Variants in ZC3H12C observed in about 807,000 individuals in gnomAD.
ZC3H12C encodes probable ribonuclease ZC3H12C.
Under a neutral mutation model 76.3 loss-of-function variants are expected in ZC3H12C, and 20 were observed. That is an observed-to-expected ratio of 0.26 (90% CI 0.18 to 0.38). The LOEUF (loss-of-function observed/expected upper bound fraction) is 0.38, where lower values mean the gene tolerates loss of function less well. Among genes scored for constraint, ZC3H12C ranks in the 10% least tolerant of loss-of-function variants. The pLI is 1.00. For missense variants in ZC3H12C, 874 were observed against 1,086.5 expected, an observed-to-expected ratio of 0.80 and a Z score of 2.75; for synonymous variants, 352 against 399.6, an observed-to-expected ratio of 0.88 and a Z score of 1.42.
rs1411810853 is a variant in ZC3H12C, at chr11:110,117,875, CACAT to C, written c.22-18786_22-18783del. 1.3e-4 allele frequency among the ~76,000 whole-genome samples: 10 copies of C among 74,510 alleles called. 2 individuals carry two copies. The highest frequency in any genetic ancestry group is 2.7e-4 in the Admixed American group (2 of 7,546). The allele number at this position is 74,510 out of a possible 152,430, so 48.9% of individuals were successfully genotyped here. ...CACATATATATAATATATATACACA[CACAT>C]ATATATATTATATATATACACACAC... is the stretch of plus-strand genomic sequence containing the variant. On this transcript the variant is annotated intron_variant, in intron 1 of 5. Coordinates refer to ENST00000278590, the MANE Select transcript of ZC3H12C (RefSeq NM_033390.2).
At chr11:110,118,850 G>A (rs185283654) in intron 1 of ZC3H12C, among the ~76,000 whole-genome samples, 75 of 151,386 alleles carry the variant, frequency 5.0e-4, no homozygotes, top group Admixed American at 3.3e-3. Context: ...TAAGTTCCCC[G>A]TAAAGAAATC....
At chr11:110,104,385 A>C (rs1162825655) in intron 1 of ZC3H12C, among the ~76,000 whole-genome samples, 1 of 152,182 alleles carries the variant, frequency 6.6e-6, no homozygotes, top group Non-Finnish European at 1.5e-5. Context: ...ATATGGATTC[A>C]TGTTAGTGAT....
rs760547466 is a variant in ZC3H12C at position 110,136,717 on chromosome 11, A to AG, written c.77dup (p.Ser26ArgfsTer4). On this transcript the variant is annotated frameshift_variant, in exon 2 of 6. Transcript: ENST00000278590. LOFTEE classifies it high-confidence loss of function. ...CAGAAAAAACAGCAAAGTGGAGTCAAGTACACGTAACAACTTCATGGGCTT... is the reference window on the plus strand; with the variant it reads ...CAGAAAAAACAGCAAAGTGGAGTCAAGGTACACGTAACAACTTCATGGGCTT... The AG allele has an allele frequency of 4.5e-5, 72 of 1,613,984 alleles. 5 individuals carry two copies. The South Asian group carries it at 7.7e-4, about 17-fold the overall frequency.
chr11:110,164,636 T>C lies in ZC3H12C; in HGVS notation c.1551T>C (p.Ser517=). 3 of 1,614,028 alleles carry C rather than the reference T, an allele frequency of 1.9e-6. No individual in the cohort carries two copies. Among genetic ancestry groups the C allele is most frequent in the Non-Finnish European group, 2.5e-6 (3 of 1,179,898 alleles). ...CCAAAAACAAATTGGAAACCAGGTC[T>C]GTACCTTCCTTAGTTAGCATCCCAG... The part of the protein sequence containing the change: ...LPTKNKLETR[S]VPSLVSIPAT... Residue 517 remains serine, a synonymous_variant, in exon 6 of 6, where the codon TCT becomes TCC. Transcript: ENST00000278590. The surrounding 1 kb of genome is among the most constrained non-coding windows in gnomAD (Gnocchi z 5.7).
intron 1 of ZC3H12C, among the ~76,000 whole-genome samples, chr11:110,098,030 G>A (rs972221178): frequency 5.9e-5 from 9 of 152,114 alleles, no homozygotes; most frequent in African/African-American, 2.2e-4. Flanking sequence ...ACAAAAAAAA[G>A]TTAACTGTAA....
chr11:110,150,594 A>G (rs1399254900), intron 2 of ZC3H12C, among the ~76,000 whole-genome samples: 3 of 152,274 alleles, frequency 2.0e-5, no homozygotes, highest in African/African-American at 7.2e-5. Context: ...GACCTAGTAC[A>G]TAGCCAATTT....
intron 2 of ZC3H12C, among the ~76,000 whole-genome samples, chr11:110,144,043 A>G (rs749321197): frequency 2.8e-5 from 2 of 71,160 alleles, no homozygotes; most frequent in African/African-American, 5.6e-5. Context: ...GATGATATAT[A>G]GAAGGTTATA....
In ZC3H12C at chr11:110,137,147, C is replaced by T; in HGVS notation, c.506C>T (p.Ala169Val). The change falls in exon 2 of 6, where the codon GCA becomes GTA. Residue 169 changes from alanine (A) to valine (V), a missense_variant. Physicochemically the swap from Ala to Val is moderately conservative, Grantham distance 64. Coordinates refer to ENST00000278590, the MANE Select transcript of ZC3H12C (RefSeq NM_033390.2). ...VREYQTKLEF[A>V]LKLGYSEEQV... is the part of the protein sequence containing the mutation. ...GAATACCAAACAAAACTGGAGTTTGCACTTAAGTTAGGTTATTCTGAAGAA... is the reference window on the plus strand; with the variant it reads ...GAATACCAAACAAAACTGGAGTTTGTACTTAAGTTAGGTTATTCTGAAGAA... 1 of 1,613,818 alleles carries T rather than the reference C, an allele frequency of 6.2e-7. No homozygotes were observed. The highest frequency in any genetic ancestry group is 8.5e-7 in the Non-Finnish European group (1 of 1,179,818).
chr11:110,123,043 A>G (rs528390273), intron 1 of ZC3H12C, among the ~76,000 whole-genome samples: 1 of 152,330 alleles, frequency 6.6e-6, no homozygotes, highest in African/African-American at 2.4e-5. Context: ...TTAAAAATGT[A>G]TTAATTTATT....
chr11:110,121,652 T>G (rs1436638027), intron 1 of ZC3H12C, among the ~76,000 whole-genome samples: 1 of 152,144 alleles, frequency 6.6e-6, no homozygotes, highest in Non-Finnish European at 1.5e-5. Flanking sequence ...AAATCAGTAG[T>G]ATGCAGTTAT....
intron 1 of ZC3H12C, among the ~76,000 whole-genome samples, chr11:110,125,528 G>A (rs1419576040): frequency 1.3e-5 from 2 of 152,138 alleles, no homozygotes; most frequent in East Asian, 3.9e-4. Flanking sequence ...ATGTTGGCCA[G>A]GCTGATGTTG....
At chr11:110,129,347 A>G (rs574878679) in intron 1 of ZC3H12C, among the ~76,000 whole-genome samples, 1 of 152,340 alleles carries the variant, frequency 6.6e-6, no homozygotes, top group Non-Finnish European at 1.5e-5. Flanking sequence ...TAGTAGGCAG[A>G]AGGAGTGTTT....
Position 110,165,530 on chromosome 11 carries a change from A to G in ZC3H12C, c.2445A>G (p.Gln815=), listed in dbSNP as rs74548991. 1,294 of 1,613,960 alleles carry G rather than the reference A, an allele frequency of 8.0e-4. 23 individuals carry two copies. The East Asian group carries it at 0.027, about 33-fold the overall frequency. Residue 815 remains glutamine (Q), a synonymous_variant, in exon 6 of 6, where the codon CAA becomes CAG. Coordinates refer to ENST00000278590, the MANE Select transcript of ZC3H12C (RefSeq NM_033390.2). Reference sequence around the variant, plus strand: ...TCACCTTCCAGAGCCTCCCTGAGCAACAGGAGCCAGCCTGGCGGATCCCAT... The same window carrying G: ...TCACCTTCCAGAGCCTCCCTGAGCAGCAGGAGCCAGCCTGGCGGATCCCAT... ...EQFTFQSLPE[Q]QEPAWRIPYC... is the part of the protein sequence containing the mutation.
At chr11:110,112,991 G>A (rs1254684655) in intron 1 of ZC3H12C, among the ~76,000 whole-genome samples, 4 of 73,682 alleles carry the variant, frequency 5.4e-5, no homozygotes, top group Non-Finnish European at 8.7e-5. Context: ...AGTTCTTATC[G>A]CCCCCCCCTA....
At chr11:110,136,489 T>A in intron 1 of ZC3H12C, 174 bp from the exon 2 acceptor site, 5 of 647,442 alleles carry the variant, frequency 7.7e-6, no homozygotes, top group Non-Finnish European at 1.3e-5. Flanking sequence ...TATGACTTCT[T>A]CATCTGAAAA....
chr11:110,149,763 T>C (rs1010851470), intron 2 of ZC3H12C, among the ~76,000 whole-genome samples: 3 of 152,208 alleles, frequency 2.0e-5, no homozygotes, highest in African/African-American at 7.2e-5. Context: ...GAGAGTACTT[T>C]ATGTTCTGAG....
chr11:110,116,538 A>ATTTTT (rs1861529290), intron 1 of ZC3H12C, among the ~76,000 whole-genome samples: 1 of 152,214 alleles, frequency 6.6e-6, no homozygotes, highest in Admixed American at 6.5e-5. Context: ...ACACAGTTAA[A>ATTTTT]GCTTTTGCCT....
At chr11:110,133,207 T>C (rs1861896960) in intron 1 of ZC3H12C, among the ~76,000 whole-genome samples, 1 of 152,200 alleles carries the variant, frequency 6.6e-6, no homozygotes, top group Admixed American at 6.5e-5. Context: ...GAGGAAGCAT[T>C]CTAGAGATCA....
intron 1 of ZC3H12C, among the ~76,000 whole-genome samples, chr11:110,113,975 T>C (rs1861479712): frequency 6.6e-6 from 1 of 152,184 alleles, no homozygotes; most frequent in Admixed American, 6.5e-5. Flanking sequence ...GTGTTTCCCA[T>C]TACCTTGCTA....
Sources: gnomAD v4.1 joint callset for allele counts (sites outside exome capture counted in the v4.1 genomes callset) on GRCh38, gnomAD v4.1.1 for gene constraint, Gnocchi (gnomAD v3.1) non-coding constraint, MANE v1.5 for transcripts, NCBI Gene and HGNC (gene_info 2026-07-23, HGNC 2026-07-21) for gene names.